CADM2: variants seen among roughly 807,000 people sequenced by gnomAD.
The protein encoded by CADM2 is immunoglobulin superfamily member 4D.
CADM2 carries 12 observed loss-of-function variants against 49.8 expected under a neutral mutation model. The ratio of observed to expected loss-of-function variants is 0.24; its 90% confidence interval spans 0.15 to 0.39. CADM2 has a LOEUF of 0.39. Among genes scored for constraint, CADM2 ranks in the 10% least tolerant of loss-of-function variants. CADM2 has a pLI of 1.00. For synonymous variants in CADM2, 214 were observed against 175.4 expected, an observed-to-expected ratio of 1.22 and a Z score of -1.74; for missense variants, 378 against 492.3, an observed-to-expected ratio of 0.77 and a Z score of 2.20.
intron 1 of CADM2, among the ~76,000 whole-genome samples, chr3:85,140,867 G>T (rs561502078): frequency 3.0e-4 from 46 of 152,274 alleles, no homozygotes; most frequent in Non-Finnish European, 5.4e-4. Flanking sequence ...GCTGATTATA[G>T]ACTTTGGTTA....
rs148898998 is a variant in CADM2, at chr3:85,145,888, C to T, written c.61+186220C>T. Reference sequence around the variant, plus strand: ...TGATCCATTAAGTTTGATGTTAACACGGCAATGGTAGAATCTTTGTGCTAT... The same window carrying T: ...TGATCCATTAAGTTTGATGTTAACATGGCAATGGTAGAATCTTTGTGCTAT... On this transcript the variant is annotated intron_variant, in intron 1 of 9. Transcript: ENST00000383699. 1.8e-4 allele frequency among the ~76,000 whole-genome samples: 28 copies of T among 152,068 alleles called. No homozygotes were observed. The East Asian group carries it at 3.3e-3, about 18-fold the overall frequency.
At chr3:85,587,569 G>A (rs1164696829) in intron 1 of CADM2, among the ~76,000 whole-genome samples, 1 of 151,944 alleles carries the variant, frequency 6.6e-6, no homozygotes, top group Non-Finnish European at 1.5e-5. Context: ...TGATCCTTGG[G>A]TGTACATAGA....
chr3:85,937,650 T>C (rs192976020), intron 7 of CADM2, among the ~76,000 whole-genome samples: 1 of 152,124 alleles, frequency 6.6e-6, no homozygotes, highest in East Asian at 1.9e-4. Flanking sequence ...ATCACTGAAG[T>C]TGAAGCCCTA....
In CADM2 at chr3:85,359,904, A is replaced by G. The variant is rs559081279; in HGVS notation, c.62-366618A>G. Among the ~76,000 whole-genome samples the G allele has an allele frequency of 7.3e-5, 11 of 151,276 alleles. No homozygotes were observed. In the South Asian group the frequency reaches 8.3e-4, roughly 11 times the overall value. On this transcript the variant is annotated intron_variant, in intron 1 of 9. Coordinates refer to ENST00000383699, the MANE Select transcript of CADM2 (RefSeq NM_001167675.2). ...ATTTAAACATAAATAGTATTCTATC[A>G]GGCAGATTATCAAATCTGTTTAAAA... is the stretch of plus-strand genomic sequence containing the variant.
At chr3:85,379,247 A>T (rs748307441) in intron 1 of CADM2, among the ~76,000 whole-genome samples, 42 of 152,120 alleles carry the variant, frequency 2.8e-4, no homozygotes, top group Non-Finnish European at 5.3e-4. Flanking sequence ...GCTAAAAATT[A>T]TACTGAAATT....
intron 1 of CADM2, among the ~76,000 whole-genome samples, chr3:85,239,345 G>T (rs1157770658): frequency 6.6e-6 from 1 of 151,598 alleles, no homozygotes; most frequent in Non-Finnish European, 1.5e-5. Flanking sequence ...ATATAATATT[G>T]GTTATTTCAA....
intron 1 of CADM2, chr3:84,959,998 A>C: frequency 2.3e-6 from 1 of 441,772 alleles, no homozygotes; most frequent in South Asian, 3.4e-5. Context: ...CTCTCTGAAC[A>C]TTCCACCCTC....
intron 1 of CADM2, among the ~76,000 whole-genome samples, chr3:85,159,228 G>A (rs1424146916): frequency 1.3e-5 from 2 of 152,162 alleles, no homozygotes; most frequent in East Asian, 1.9e-4. Flanking sequence ...ACTAGCAGCT[G>A]TTATGCCCAC....
chr3:85,635,887 C>T (rs2064457457), intron 1 of CADM2, among the ~76,000 whole-genome samples: 1 of 152,050 alleles, frequency 6.6e-6, no homozygotes, highest in African/African-American at 2.4e-5. Flanking sequence ...TAAAAAAGTC[C>T]TATTGCTCCG....
At chr3:85,164,318 T>G (rs2040411915) in intron 1 of CADM2, among the ~76,000 whole-genome samples, 1 of 152,036 alleles carries the variant, frequency 6.6e-6, no homozygotes, top group Non-Finnish European at 1.5e-5. Context: ...ATTCAAAGAT[T>G]TTAAGAAAAT....
At position 85,813,540 on chromosome 3, in the gene CADM2, T is replaced by A. The variant is rs554933935; in HGVS notation, c.238+11344T>A. On this transcript the variant is annotated intron_variant, in intron 3 of 9. Transcript: ENST00000383699. ...TTTGCTGTGCAGAAGTTCTTTAGTT[T>A]AATTAGATCCCCTTTGTCAATTTTG... Among the ~76,000 whole-genome samples, 124 of 152,230 alleles carry A rather than the reference T, an allele frequency of 8.1e-4. 1 individual carries two copies. The highest frequency in any genetic ancestry group is 1.4e-3 in the Non-Finnish European group (97 of 68,038).
intron 1 of CADM2, among the ~76,000 whole-genome samples, chr3:85,339,175 T>C (rs1192306197): frequency 6.6e-6 from 1 of 151,466 alleles, no homozygotes; most frequent in African/African-American, 2.4e-5. Flanking sequence ...GTGAAAAGTA[T>C]TTTTCATTAT....
intron 1 of CADM2, among the ~76,000 whole-genome samples, chr3:85,464,385 G>T (rs1213779649): frequency 6.6e-6 from 1 of 152,086 alleles, no homozygotes; most frequent in Non-Finnish European, 1.5e-5. Context: ...AATTCCATCT[G>T]TCTCTGGAAA....
chr3:85,082,385 T>G (rs181433683), intron 1 of CADM2, among the ~76,000 whole-genome samples: 2 of 152,196 alleles, frequency 1.3e-5, no homozygotes, highest in Non-Finnish European at 2.9e-5. Flanking sequence ...TGTACTACAA[T>G]GCACAGGGCA....
At chr3:85,775,799 C>A (rs966879190) in intron 2 of CADM2, among the ~76,000 whole-genome samples, 1 of 151,838 alleles carries the variant, frequency 6.6e-6, no homozygotes, top group Non-Finnish European at 1.5e-5. Flanking sequence ...GAAAACTATG[C>A]TCCAACCCAG....
chr3:85,075,031 A>C (rs1229695841), intron 1 of CADM2, among the ~76,000 whole-genome samples: 2 of 152,004 alleles, frequency 1.3e-5, no homozygotes, highest in African/African-American at 4.8e-5. Flanking sequence ...AAGGTTTTGC[A>C]CTCCAAGAGC....
chr3:85,264,779 TG>T (rs769073453), intron 1 of CADM2, among the ~76,000 whole-genome samples: 2 of 152,104 alleles, frequency 1.3e-5, no homozygotes, highest in African/African-American at 2.4e-5. Flanking sequence ...GGTTGGAGTA[TG>T]TATTATTTGT....
intron 1 of CADM2, among the ~76,000 whole-genome samples, chr3:85,492,723 T>A (rs902450009): frequency 6.6e-6 from 1 of 152,212 alleles, no homozygotes; most frequent in Admixed American, 6.5e-5. Flanking sequence ...TTGAAAATCA[T>A]ATTTGAGTTA....
intron 1 of CADM2, among the ~76,000 whole-genome samples, chr3:85,253,094 T>C (rs930895772): frequency 6.6e-6 from 1 of 152,196 alleles, no homozygotes; most frequent in East Asian, 1.9e-4. Context: ...GTAAGTAATG[T>C]CAGTCTAAAT....
Sources: allele counts gnomAD v4.1 joint callset (sites outside exome capture counted in the v4.1 genomes callset), GRCh38; gene constraint gnomAD v4.1.1; transcripts MANE v1.5; gene names NCBI Gene and HGNC (gene_info 2026-07-23, HGNC 2026-07-21).